The following WNT3 variants were observed in gnomAD, a reference collection of about 807,000 sequenced individuals.
WNT3 encodes proto-oncogene Wnt-3.
In WNT3, 7 loss-of-function variants were observed where a neutral mutation model predicts 34.2. That is an observed-to-expected ratio of 0.20 (90% confidence interval 0.12 to 0.38). The LOEUF is 0.38. Among genes scored for constraint, WNT3 ranks in the 10% least tolerant of loss-of-function variants. The pLI, the probability that WNT3 is intolerant of heterozygous loss-of-function variation, is 1.00. For missense variants in WNT3, 267 were observed against 499.8 expected (o/e 0.53, Z 4.44); for synonymous variants, 212 against 211.5 (o/e 1.00, Z -0.02).
intron 1 of WNT3, among the ~76,000 whole-genome samples, chr17:46,788,184 T>C (rs1414325165): frequency 6.6e-6 from 1 of 152,226 alleles, no homozygotes; most frequent in Non-Finnish European, 1.5e-5. Context: ...CTCCTGGAGC[T>C]TGGCCATCTG....
intron 1 of WNT3, among the ~76,000 whole-genome samples, chr17:46,779,876 G>A (rs577076175): frequency 2.1e-4 from 32 of 151,990 alleles, no homozygotes; most frequent in African/African-American, 7.5e-4. Context: ...CTCCTGCCTC[G>A]GCCTCTCAAG....
chr17:46,806,368 C>A (rs918357891), intron 1 of WNT3, among the ~76,000 whole-genome samples: 6 of 152,054 alleles, frequency 3.9e-5, no homozygotes, highest in Non-Finnish European at 7.4e-5. Flanking sequence ...TGCCACCACG[C>A]CCGGCTAATT....
At chr17:46,779,733 G>A (rs1405165922) in intron 1 of WNT3, among the ~76,000 whole-genome samples, 1 of 151,716 alleles carries the variant, frequency 6.6e-6, no homozygotes, top group East Asian at 2.0e-4. Context: ...CAGGAGGCCT[G>A]CATGGTGAGC....
chr17:46,802,368 C>T (rs748418000), intron 1 of WNT3, among the ~76,000 whole-genome samples: 8 of 152,198 alleles, frequency 5.3e-5, no homozygotes, highest in Non-Finnish European at 8.8e-5. Flanking sequence ...TGGGTTCAAG[C>T]GATTCTCCTG....
chr17:46,770,136 G>C (rs2059350753), intron 2 of WNT3, 88 bp from the exon 3 acceptor site: 2 of 1,446,780 alleles, frequency 1.4e-6, no homozygotes, highest in Non-Finnish European at 1.8e-6. Context: ...GACGTGAGGG[G>C]AACGAGGCCA....
chr17:46,771,362 C>A (rs1266575615), intron 2 of WNT3, among the ~76,000 whole-genome samples: 7 of 151,858 alleles, frequency 4.6e-5, no homozygotes, highest in African/African-American at 1.7e-4. Context: ...GCCCTGGGGG[C>A]GCCTCGGGGA....
At chr17:46,778,996 T>TC (rs1403822401) in intron 1 of WNT3, among the ~76,000 whole-genome samples, 1 of 149,930 alleles carries the variant, frequency 6.7e-6, no homozygotes, top group East Asian at 1.9e-4. Flanking sequence ...AGTCTCAGTC[T>TC]CCAAGAAGAG....
At chr17:46,805,509 G>T (rs926353845) in intron 1 of WNT3, among the ~76,000 whole-genome samples, 7 of 152,162 alleles carry the variant, frequency 4.6e-5, no homozygotes, top group African/African-American at 4.8e-5. Flanking sequence ...GGAGGTGGAG[G>T]TTGCAGTGAG....
chr17:46,766,570 G>C (rs777027334), intron 4 of WNT3, among the ~76,000 whole-genome samples: 7 of 152,132 alleles, frequency 4.6e-5, no homozygotes, highest in Non-Finnish European at 1.0e-4. Flanking sequence ...TACCGACAAA[G>C]GTAGTGCCAC....
chr17:46,773,839 G>A lies in WNT3; in HGVS notation c.151C>T (p.Leu51=), dbSNP rs1255433133. Reference sequence around the variant, plus strand: ...CAGAAGCGCAGTTGCTTGGGGACCAGGCCTGGGATGGAGCCGCAGAGCAGG... The same window carrying A: ...CAGAAGCGCAGTTGCTTGGGGACCAAGCCTGGGATGGAGCCGCAGAGCAGG... ...QPLLCGSIPG[L]VPKQLRFCRN... The change falls in exon 2 of 5, where the codon CTG becomes TTG. Residue 51 remains leucine (L), a synonymous_variant. Coordinates refer to ENST00000225512, the MANE Select transcript of WNT3 (RefSeq NM_030753.5). The A allele has an allele frequency of 1.7e-5, 28 of 1,613,170 alleles. No individual in the cohort carries two copies. The Admixed American group carries it at 4.7e-4, about 27-fold the overall frequency.
At chr17:46,810,632 G>T (rs1462272209) in intron 1 of WNT3, among the ~76,000 whole-genome samples, 1 of 152,138 alleles carries the variant, frequency 6.6e-6, no homozygotes, top group African/African-American at 2.4e-5. Flanking sequence ...ACAGCTCTTT[G>T]TGTGTAGAGT....
In WNT3 at chr17:46,769,826, G is replaced by T; in HGVS notation, c.545C>A (p.Ala182Glu). The T allele has an allele frequency of 6.2e-7, 1 of 1,613,082 alleles. No individual in the cohort carries two copies. The highest frequency in any genetic ancestry group is 8.5e-7 in the Non-Finnish European group (1 of 1,179,886). ...FADARENRPD[A>E]RSAMNKHNNE... is the part of the protein sequence containing the mutation. ...GTTGTGCTTGTTCATGGCCGAGCGC[G>T]CGTCCGGCCTGTTCTCGCGCGCATC... Residue 182 changes from alanine to glutamate, a missense_variant, in exon 3 of 5, where the codon GCG (alanine) becomes GAG (glutamate). This residue lies in a region of WNT3 where 181 missense variants were observed against 391.3 expected (regional missense o/e 0.46). Transcript: ENST00000225512.
intron 1 of WNT3, among the ~76,000 whole-genome samples, chr17:46,794,015 G>A (rs1320524055): frequency 1.3e-5 from 2 of 152,112 alleles, no homozygotes; most frequent in Non-Finnish European, 2.9e-5. Flanking sequence ...GGCACGACGG[G>A]GACATAACCA....
intron 2 of WNT3, 52 bp downstream of exon 2, chr17:46,773,616 T>TGGGGGGGGG: frequency 2.0e-6 from 2 of 997,790 alleles, no homozygotes; most frequent in Non-Finnish European, 1.5e-6. Flanking sequence ...CATACAGTCC[T>TGGGGGGGGG]GATCCCTCCC....
intron 1 of WNT3, among the ~76,000 whole-genome samples, chr17:46,816,506 CACACACACACCT>C (rs1175172893): frequency 7.1e-6 from 1 of 140,070 alleles, no homozygotes; most frequent in Non-Finnish European, 1.6e-5. Context: ...CACACACACA[CACACACACACCT>C]CTCTCCTTGG....
intron 1 of WNT3, among the ~76,000 whole-genome samples, chr17:46,807,917 A>T (rs1455274962): frequency 6.6e-6 from 1 of 152,214 alleles, no homozygotes; most frequent in African/African-American, 2.4e-5. Flanking sequence ...CCTCGGGGAG[A>T]AATAAAGCTG....
At chr17:46,807,122 G>GA (rs1485950528) in intron 1 of WNT3, among the ~76,000 whole-genome samples, 2 of 151,890 alleles carry the variant, frequency 1.3e-5, no homozygotes, top group African/African-American at 4.8e-5. Context: ...GATCATGGAG[G>GA]AAAAAAAAGA....
chr17:46,809,224 A>C (rs1028847241), intron 1 of WNT3, among the ~76,000 whole-genome samples: 1 of 152,184 alleles, frequency 6.6e-6, no homozygotes, highest in African/African-American at 2.4e-5. Flanking sequence ...GTGTCAGAGC[A>C]GGGGAGTGGC....
intron 3 of WNT3, 87 bp downstream of exon 3, chr17:46,769,696 G>A: frequency 6.4e-7 from 1 of 1,559,312 alleles, no homozygotes; most frequent in South Asian, 1.1e-5. Flanking sequence ...AGGGCTGCCG[G>A]AAGGGGTGAG....
Sources: allele counts gnomAD v4.1 joint callset (sites outside exome capture counted in the v4.1 genomes callset), GRCh38; gene constraint gnomAD v4.1.1; regional missense constraint gnomAD v4.1.1; transcripts MANE v1.5; gene names NCBI Gene and HGNC (gene_info 2026-07-23, HGNC 2026-07-21).